Variants in DTNBP1 observed in about 807,000 individuals in gnomAD.
DTNBP1 encodes the protein dystrobrevin binding protein 1.
A neutral mutation model predicts 42.8 loss-of-function variants in DTNBP1; 35 were observed. The observed-to-expected ratio is 0.82, with a 90% CI of 0.63 to 1.09. DTNBP1 has a LOEUF of 1.09. Ranked by LOEUF, DTNBP1 falls within the 50% of genes least tolerant of loss-of-function variation. DTNBP1 has a pLI of 0.00. For synonymous variants in DTNBP1, 171 were observed against 162.2 expected, an observed-to-expected ratio of 1.05 and a Z score of -0.41; for missense variants, 457 against 424.2, an observed-to-expected ratio of 1.08 and a Z score of -0.68.
rs1773160304 is a variant in DTNBP1 at position 15,535,334 on chromosome 6, A to G, written c.512-1939T>C. Among the ~76,000 whole-genome samples the G allele has an allele frequency of 2.6e-5, 4 of 151,262 alleles. No homozygotes were observed. The Admixed American group carries it at 2.7e-4, about 10-fold the overall frequency. ...ATAAATTACCTATTTTTTTTGAGACAGAGTCTTACTCTGTTCCCCAAGCTG... is the reference window on the plus strand; with the variant it reads ...ATAAATTACCTATTTTTTTTGAGACGGAGTCTTACTCTGTTCCCCAAGCTG... On this transcript the variant is annotated intron_variant, in intron 7 of 9. Transcript: ENST00000344537.
intron 7 of DTNBP1, among the ~76,000 whole-genome samples, chr6:15,568,949 GT>G (rs1341362904): frequency 6.6e-6 from 1 of 152,192 alleles, no homozygotes; most frequent in Non-Finnish European, 1.5e-5. Flanking sequence ...AATGGGGTCA[GT>G]CCCCTCAACC....
chr6:15,646,561 A>G (rs1760691901), intron 3 of DTNBP1, among the ~76,000 whole-genome samples: 1 of 152,018 alleles, frequency 6.6e-6, no homozygotes, highest in African/African-American at 2.4e-5. Context: ...GAATAGCCAA[A>G]GCAATCCAAA....
chr6:15,662,999 G>A lies in DTNBP1; in HGVS notation c.-130C>T, dbSNP rs762993948. 3 of 1,345,170 alleles carry A rather than the reference G, an allele frequency of 2.2e-6. No individual in the cohort carries two copies. Among genetic ancestry groups the A allele is most frequent in the East Asian group, 2.5e-5 (1 of 40,306 alleles). 83.3% of individuals were successfully genotyped at this position (1,345,170 alleles called of 1,614,324 possible). A position where few individuals can be genotyped will look rare whatever the true frequency, so the allele number is the denominator to read the frequency against. On this transcript the variant is annotated 5_prime_UTR_variant, in exon 1 of 10. Coordinates refer to ENST00000344537, the MANE Select transcript of DTNBP1 (RefSeq NM_032122.5). ...ACTCCCACTACCGGCCCCGCCCCCG[G>A]TCTGGTCCTCGCCGCCGCGCCGCAA...
rs112563880 is a variant in DTNBP1 at position 15,579,907 on chromosome 6, C to T, written c.511+13152G>A. On this transcript the variant is annotated intron_variant, in intron 7 of 9. Transcript: ENST00000344537. Reference sequence around the variant, plus strand: ...TAATTATCCTGATTTACTCATTACACATTACATATATGTATCAAAACTTTA... The same window carrying T: ...TAATTATCCTGATTTACTCATTACATATTACATATATGTATCAAAACTTTA... 1,614 of 450,716 alleles carry T rather than the reference C, an allele frequency of 3.6e-3. 19 individuals carry two copies. Among genetic ancestry groups the T allele is most frequent in the Non-Finnish European group, 4.0e-3 (899 of 223,228 alleles). 27.9% of individuals were successfully genotyped at this position (450,716 alleles called of 1,614,324 possible).
intron 7 of DTNBP1, among the ~76,000 whole-genome samples, chr6:15,573,714 T>C (rs2113536678): frequency 6.6e-6 from 1 of 152,214 alleles, no homozygotes; most frequent in South Asian, 2.1e-4. Flanking sequence ...TTTTCGTTTG[T>C]TTGTTTTTTG....
intron 7 of DTNBP1, among the ~76,000 whole-genome samples, chr6:15,583,953 G>C (rs1474567435): frequency 1.3e-5 from 2 of 152,126 alleles, no homozygotes; most frequent in Non-Finnish European, 2.9e-5. Flanking sequence ...CATCGTCTTA[G>C]AGAATTTCAG....
chr6:15,648,630 A>G (rs886218839), intron 3 of DTNBP1, among the ~76,000 whole-genome samples: 2 of 152,174 alleles, frequency 1.3e-5, no homozygotes, highest in East Asian at 3.9e-4. Flanking sequence ...GCAATTAAGA[A>G]AACAATTTCA....
chr6:15,601,251 A>T (rs1241886134), intron 6 of DTNBP1, among the ~76,000 whole-genome samples: 1 of 152,242 alleles, frequency 6.6e-6, no homozygotes, highest in Admixed American at 6.5e-5. Context: ...CAATGTTTTC[A>T]TATTATACAA....
intron 7 of DTNBP1, among the ~76,000 whole-genome samples, chr6:15,577,164 G>A (rs1273969095): frequency 1.3e-5 from 2 of 152,236 alleles, no homozygotes; most frequent in Non-Finnish European, 2.9e-5. Flanking sequence ...GGCCTGGTTG[G>A]GCCTATGGGC....
chr6:15,576,108 G>A (rs988235461), intron 7 of DTNBP1, among the ~76,000 whole-genome samples: 1 of 146,160 alleles, frequency 6.8e-6, no homozygotes, highest in African/African-American at 2.5e-5. Context: ...GTTTATGGTT[G>A]CTATTAACTT....
chr6:15,554,768 T>C (rs1291455175), intron 7 of DTNBP1, among the ~76,000 whole-genome samples: 1 of 152,182 alleles, frequency 6.6e-6, no homozygotes, highest in Non-Finnish European at 1.5e-5. Context: ...AATGGTGGCA[T>C]TAGCAAGATC....
Position 15,662,945 on chromosome 6 carries a change from C to T in DTNBP1, c.-76G>A. 6.3e-7 allele frequency: 1 copy of T among 1,585,900 alleles called. No homozygotes were observed. The highest frequency in any genetic ancestry group is 8.6e-7 in the Non-Finnish European group (1 of 1,169,470). Reference sequence around the variant, plus strand: ...TGTCGCCCCCTGGGTCCCACGCCGCCAACCCCGCGCTGTCACCGCGCGCCC... The same window carrying T: ...TGTCGCCCCCTGGGTCCCACGCCGCTAACCCCGCGCTGTCACCGCGCGCCC... On this transcript the variant is annotated 5_prime_UTR_variant, in exon 1 of 10. Transcript: ENST00000344537.
chr6:15,529,393 A>C (rs1307381662), intron 8 of DTNBP1, among the ~76,000 whole-genome samples: 2 of 152,266 alleles, frequency 1.3e-5, no homozygotes, highest in Non-Finnish European at 2.9e-5. Flanking sequence ...ATAAATATTT[A>C]AGGATGGAAA....
At chr6:15,564,988 C>A (rs1263830857) in intron 7 of DTNBP1, among the ~76,000 whole-genome samples, 2 of 152,158 alleles carry the variant, frequency 1.3e-5, no homozygotes, top group Non-Finnish European at 1.5e-5. Context: ...TTCCTGTAGT[C>A]CTAGCTACTC....
chr6:15,575,422 G>A (rs1775519426), intron 7 of DTNBP1, among the ~76,000 whole-genome samples: 1 of 152,140 alleles, frequency 6.6e-6, no homozygotes, highest in African/African-American at 2.4e-5. Context: ...CACTTGTTAT[G>A]GGCAAGAGAC....
chr6:15,657,766 T>G (rs1366208538), intron 1 of DTNBP1, among the ~76,000 whole-genome samples: 2 of 152,244 alleles, frequency 1.3e-5, no homozygotes, highest in Non-Finnish European at 2.9e-5. Context: ...TAGTAAGCAC[T>G]CAATAAATAT....
At position 15,637,634 on chromosome 6, in the gene DTNBP1, T is replaced by C. The variant is rs915126385; in HGVS notation, c.222+110A>G. ...CAACGACTAGATTCAATTTCAGATA[T>C]CCTGCAAAACATTTTGACACAAACA... On this transcript the variant is annotated intron_variant, in intron 4 of 9. Coordinates refer to ENST00000344537, the MANE Select transcript of DTNBP1 (RefSeq NM_032122.5). 1.2e-5 allele frequency: 14 copies of C among 1,192,722 alleles called. No homozygotes were observed. The African/African-American group carries it at 1.9e-4, about 17-fold the overall frequency. The allele number at this position is 1,192,722 out of a possible 1,614,324, so 73.9% of individuals were successfully genotyped here.
chr6:15,531,154 G>A (rs1465567427), intron 8 of DTNBP1, among the ~76,000 whole-genome samples: 1 of 152,156 alleles, frequency 6.6e-6, no homozygotes, highest in Non-Finnish European at 1.5e-5. Context: ...AACCGATCGC[G>A]CCAGCATGCT....
At chr6:15,581,144 G>A (rs1775810637) in intron 7 of DTNBP1, among the ~76,000 whole-genome samples, 1 of 152,166 alleles carries the variant, frequency 6.6e-6, no homozygotes, top group Non-Finnish European at 1.5e-5. Context: ...ACAATGGCTA[G>A]AAAGAAGTAG....
Sources: allele counts gnomAD v4.1 joint callset (sites outside exome capture counted in the v4.1 genomes callset), GRCh38; gene constraint gnomAD v4.1.1; transcripts MANE v1.5; gene names NCBI Gene and HGNC (gene_info 2026-07-23, HGNC 2026-07-21).